PRKN: variants seen among roughly 807,000 people sequenced by gnomAD.
PRKN encodes the protein E3 ubiquitin-protein ligase parkin.
A neutral mutation model predicts 59.5 loss-of-function variants in PRKN; 56 were observed. The ratio of observed to expected loss-of-function variants is 0.94; its 90% confidence interval spans 0.76 to 1.18. The LOEUF (loss-of-function observed/expected upper bound fraction) is 1.18. Ranked by LOEUF, PRKN falls within the 50% of genes most tolerant of loss-of-function variation. The pLI is 0.00. For synonymous variants in PRKN, 250 were observed against 222.1 expected (o/e 1.13, Z -1.12); for missense variants, 657 against 596.4 (o/e 1.10, Z -1.06).
At chr6:162,611,981 C>A (rs941548771) in intron 1 of PRKN, among the ~76,000 whole-genome samples, 21 of 151,124 alleles carry the variant, frequency 1.4e-4, no homozygotes, top group South Asian at 4.2e-4. Flanking sequence ...GTCAGGAGAT[C>A]GAGACCATCC....
intron 1 of PRKN, among the ~76,000 whole-genome samples, chr6:162,549,049 C>A (rs769389557): frequency 6.6e-6 from 1 of 152,036 alleles, no homozygotes; most frequent in Non-Finnish European, 1.5e-5. Flanking sequence ...ATCCTGCCCC[C>A]CCAAGATGAT....
intron 1 of PRKN, chr6:162,727,050 G>C (rs1021444582): frequency 1.3e-5 from 2 of 151,866 alleles, no homozygotes; most frequent in African/African-American, 2.4e-5. Flanking sequence ...ATTTAATCTT[G>C]GCTACTATTT....
chr6:162,336,573 T>A (rs559879269), intron 2 of PRKN, among the ~76,000 whole-genome samples: 1 of 152,320 alleles, frequency 6.6e-6, no homozygotes, highest in South Asian at 2.1e-4. Context: ...TGCCATCTCA[T>A]CAAGACTGTC....
rs1786260608 is a variant in PRKN at position 161,386,621 on chromosome 6, C to T, written c.1167+173G>A. ...GGCCACTGGGAAGTCTACACTGTGCCCCAAGGAGGGGAGTCATTCTGGGAG... is the reference window on the plus strand; with the variant it reads ...GGCCACTGGGAAGTCTACACTGTGCTCCAAGGAGGGGAGTCATTCTGGGAG... On this transcript the variant is annotated intron_variant, in intron 10 of 11. Coordinates refer to ENST00000366898, the MANE Select transcript of PRKN (RefSeq NM_004562.3). The surrounding 1 kb of genome is among the most constrained non-coding windows in gnomAD (Gnocchi z 4.3). 6.6e-6 allele frequency among the ~76,000 whole-genome samples: 1 copy of T among 152,168 alleles called. No homozygotes were observed. The highest frequency in any genetic ancestry group is 6.5e-5 in the Admixed American group (1 of 15,274).
intron 2 of PRKN, among the ~76,000 whole-genome samples, chr6:162,396,505 T>A (rs1196221973): frequency 6.6e-6 from 1 of 152,110 alleles, no homozygotes; most frequent in Admixed American, 6.5e-5. Flanking sequence ...TGTGGCAACT[T>A]GTCATGGTGG....
At chr6:161,564,866 G>T (rs534965526) in intron 8 of PRKN, among the ~76,000 whole-genome samples, 2 of 152,154 alleles carry the variant, frequency 1.3e-5, no homozygotes, top group Non-Finnish European at 2.9e-5. Flanking sequence ...TCCTCCATCT[G>T]AAATCAGACA....
intron 7 of PRKN, among the ~76,000 whole-genome samples, chr6:161,703,850 T>C (rs1411190129): frequency 3.9e-3 from 46 of 11,908 alleles, no homozygotes; most frequent in African/African-American, 0.011. Context: ...TTTTTTTTTT[T>C]TTTTTTTTTT....
At chr6:162,656,540 G>A (rs1778646768) in intron 1 of PRKN, among the ~76,000 whole-genome samples, 1 of 152,136 alleles carries the variant, frequency 6.6e-6, no homozygotes, top group Admixed American at 6.6e-5. Flanking sequence ...CAATTGAATT[G>A]CCTTTCTAGG....
At chr6:161,857,767 A>G (rs1321689796) in intron 6 of PRKN, among the ~76,000 whole-genome samples, 1 of 152,232 alleles carries the variant, frequency 6.6e-6, no homozygotes, top group Non-Finnish European at 1.5e-5. Context: ...TGGTTTAATA[A>G]CAGTCATCCA....
chr6:161,441,955 G>A (rs2115090794), intron 9 of PRKN, among the ~76,000 whole-genome samples: 1 of 152,328 alleles, frequency 6.6e-6, no homozygotes. Context: ...AGCTGGCCCT[G>A]CCTCATGCCA....
At chr6:161,971,033 C>T (rs1000224879) in intron 6 of PRKN, among the ~76,000 whole-genome samples, 1 of 152,086 alleles carries the variant, frequency 6.6e-6, no homozygotes, top group Non-Finnish European at 1.5e-5. Context: ...CACTTGGCTG[C>T]CTTACACGAG....
intron 6 of PRKN, among the ~76,000 whole-genome samples, chr6:161,794,013 G>A (rs546060747): frequency 4.6e-5 from 7 of 151,908 alleles, no homozygotes; most frequent in Non-Finnish European, 7.4e-5. Flanking sequence ...ATCTGCCCTC[G>A]GCACTCTGTG....
Position 162,226,516 on chromosome 6 carries a change from G to A in PRKN, c.413-25264C>T, listed in dbSNP as rs1341501392. 2.0e-5 allele frequency among the ~76,000 whole-genome samples: 3 copies of A among 152,140 alleles called. No homozygotes were observed. The East Asian group carries it at 5.8e-4, about 29-fold the overall frequency. On this transcript the variant is annotated intron_variant, in intron 3 of 11. Transcript: ENST00000366898. ...CATTTGGGAGGGATTTGTGCAGGAG[G>A]AACACCAAGAATTTTGTTTGTTTGT...
rs552525610 is a variant in PRKN, at chr6:161,975,317, C to T, written c.619-1900G>A. On this transcript the variant is annotated intron_variant, in intron 5 of 11. Transcript: ENST00000366898. ...CAGGATGGTCCTGATCTCCTGACCT[C>T]GTGATCTGCCTGCCTTGGCCTCCCA... Among the ~76,000 whole-genome samples, 131 of 152,076 alleles carry T rather than the reference C, an allele frequency of 8.6e-4. 1 individual carries two copies. Among genetic ancestry groups the T allele is most frequent in the African/African-American group, 2.9e-3 (122 of 41,512 alleles).
rs1193695334 is a variant in PRKN, at chr6:161,352,445, T to G, written c.1286-2234A>C. 6.6e-6 allele frequency among the ~76,000 whole-genome samples: 1 copy of G among 152,120 alleles called. No individual in the cohort carries two copies. Among genetic ancestry groups the G allele is most frequent in the African/African-American group, 2.4e-5 (1 of 41,436 alleles). Reference sequence around the variant, plus strand: ...CTTTCCACTTAGGTTTGTGCCATTTTCAGCACATATTGCATGGTTGTATAT... The same window carrying G: ...CTTTCCACTTAGGTTTGTGCCATTTGCAGCACATATTGCATGGTTGTATAT... On this transcript the variant is annotated intron_variant, in intron 11 of 11. Coordinates refer to ENST00000366898, the MANE Select transcript of PRKN (RefSeq NM_004562.3). The surrounding 1 kb of genome is among the most constrained non-coding windows in gnomAD (Gnocchi z 5.8).
chr6:162,226,495 TG>T (rs1365726001), intron 3 of PRKN, among the ~76,000 whole-genome samples: 1 of 152,184 alleles, frequency 6.6e-6, no homozygotes, highest in Non-Finnish European at 1.5e-5. Flanking sequence ...CAAAGACATT[TG>T]GGAGGGATTT....
At chr6:162,671,372 G>C (rs907561942) in intron 1 of PRKN, among the ~76,000 whole-genome samples, 2 of 151,886 alleles carry the variant, frequency 1.3e-5, no homozygotes, top group Non-Finnish European at 2.9e-5. Context: ...GGTGGCGCGC[G>C]CCTGTAGTCC....
At chr6:162,173,946 C>G (rs1783410069) in intron 4 of PRKN, among the ~76,000 whole-genome samples, 2 of 152,144 alleles carry the variant, frequency 1.3e-5, no homozygotes, top group Non-Finnish European at 2.9e-5. Context: ...GTACTTGGTA[C>G]TTGGAAATAA....
chr6:161,408,402 C>T (rs1042005376), intron 9 of PRKN, among the ~76,000 whole-genome samples: 6 of 147,754 alleles, frequency 4.1e-5, no homozygotes, highest in South Asian at 2.1e-4. Flanking sequence ...ACATGTAAAA[C>T]GTATCTAGAA....
Sources: gnomAD v4.1 joint callset for allele counts (sites outside exome capture counted in the v4.1 genomes callset) on GRCh38, gnomAD v4.1.1 for gene constraint, Gnocchi (gnomAD v3.1) non-coding constraint, MANE v1.5 for transcripts, NCBI Gene and HGNC (gene_info 2026-07-23, HGNC 2026-07-21) for gene names.